GALNT7: variants seen among roughly 807,000 people sequenced by gnomAD.
GALNT7 encodes N-acetylgalactosaminyltransferase 7.
GALNT7 carries 60 observed loss-of-function variants against 82.1 expected under a neutral mutation model. The observed-to-expected ratio is 0.73, with a 90% CI of 0.59 to 0.91. GALNT7 has a LOEUF of 0.91. Among genes scored for constraint, GALNT7 ranks in the 40% least tolerant of loss-of-function variants. The pLI, the probability that GALNT7 is intolerant of heterozygous loss-of-function variation, is 0.00. For missense variants in GALNT7, 660 were observed against 804.2 expected (o/e 0.82, Z 2.17); for synonymous variants, 243 against 275.1 (o/e 0.88, Z 1.15).
chr4:173,205,118 C>T (rs1454879031), intron 1 of GALNT7, among the ~76,000 whole-genome samples: 2 of 151,834 alleles, frequency 1.3e-5, no homozygotes, highest in East Asian at 2.0e-4. Context: ...TCGGGTTGGA[C>T]CTGGAGCCTT....
intron 1 of GALNT7, among the ~76,000 whole-genome samples, chr4:173,225,857 C>T (rs1733809505): frequency 6.6e-6 from 1 of 152,176 alleles, no homozygotes; most frequent in Non-Finnish European, 1.5e-5. Flanking sequence ...GCAACCACAA[C>T]CACTCAGTGA....
In GALNT7 at chr4:173,302,202, G is replaced by A. The variant is rs533086279; in HGVS notation, c.1266+38G>A. On this transcript the variant is annotated intron_variant, in intron 7 of 11. Coordinates refer to ENST00000265000, the MANE Select transcript of GALNT7 (RefSeq NM_017423.3). The surrounding 1 kb of genome is among the most constrained non-coding windows in gnomAD (Gnocchi z 4.2). ...TTCAACAGATGGAATTCTCCAAGTC[G>A]TTACTAACTTCTGTGGCTTTCAGAT... The A allele has an allele frequency of 3.0e-5, 27 of 911,972 alleles. No individual in the cohort carries two copies. The highest frequency in any genetic ancestry group is 2.4e-4 in the South Asian group (18 of 74,958). The allele number at this position is 911,972 out of a possible 1,614,324, so 56.5% of individuals were successfully genotyped here. A position where few individuals can be genotyped will look rare whatever the true frequency, so the allele number is the denominator to read the frequency against.
chr4:173,199,525 T>G (rs1276473258), intron 1 of GALNT7, among the ~76,000 whole-genome samples: 1 of 152,210 alleles, frequency 6.6e-6, no homozygotes, highest in Non-Finnish European at 1.5e-5. Context: ...CTGTAATCTT[T>G]TAGTGCCATG....
chr4:173,318,860 T>G (rs1737702535), intron 11 of GALNT7, among the ~76,000 whole-genome samples: 1 of 152,124 alleles, frequency 6.6e-6, no homozygotes, highest in African/African-American at 2.4e-5. Flanking sequence ...GTCATCACCA[T>G]TGCTCTCATC....
At chr4:173,284,700 A>G (rs1736252792) in intron 2 of GALNT7, among the ~76,000 whole-genome samples, 1 of 152,090 alleles carries the variant, frequency 6.6e-6, no homozygotes, top group Admixed American at 6.6e-5. Flanking sequence ...TTGTTTTGCC[A>G]AAACAATGAC....
At chr4:173,250,833 G>A (rs1000535013) in intron 2 of GALNT7, among the ~76,000 whole-genome samples, 13 of 152,080 alleles carry the variant, frequency 8.5e-5, no homozygotes, top group African/African-American at 3.1e-4. Flanking sequence ...CCTGTCTCAG[G>A]TCTTCTGCAT....
chr4:173,295,386 T>C lies in GALNT7; in HGVS notation c.755-10T>C, dbSNP rs757763169. On this transcript the variant is annotated splice_polypyrimidine_tract_variant and intron_variant, in intron 3 of 11. Transcript: ENST00000265000. ...TCTAATTTATAATATCGATTGATTTTTCTTAACAGAACACTTAAAAGAAAA... is the reference window on the plus strand; with the variant it reads ...TCTAATTTATAATATCGATTGATTTCTCTTAACAGAACACTTAAAAGAAAA... 1.3e-6 allele frequency: 2 copies of C among 1,540,090 alleles called. No homozygotes were observed. Among genetic ancestry groups the C allele is most frequent in the East Asian group, 4.5e-5 (2 of 44,448 alleles).
Position 173,251,399 on chromosome 4 carries a change from T to A in GALNT7, c.587+2959T>A, listed in dbSNP as rs181005163. 2.0e-5 allele frequency among the ~76,000 whole-genome samples: 3 copies of A among 152,338 alleles called. No homozygotes were observed. In the East Asian group the frequency reaches 5.8e-4, roughly 29 times the overall value. On this transcript the variant is annotated intron_variant, in intron 2 of 11. Coordinates refer to ENST00000265000, the MANE Select transcript of GALNT7 (RefSeq NM_017423.3). ...AGAAACCTGAGTATTATTAGCTGTTTTTACTGCTATGGTATTTTCTTCCTT... is the reference window on the plus strand; with the variant it reads ...AGAAACCTGAGTATTATTAGCTGTTATTACTGCTATGGTATTTTCTTCCTT...
At chr4:173,183,493 C>T (rs935270816) in intron 1 of GALNT7, among the ~76,000 whole-genome samples, 9 of 151,744 alleles carry the variant, frequency 5.9e-5, no homozygotes, top group Middle Eastern at 3.4e-3. Flanking sequence ...TTTTTTTTCC[C>T]CAAGGCAGAA....
chr4:173,250,524 C>T (rs1734809516), intron 2 of GALNT7, among the ~76,000 whole-genome samples: 1 of 152,030 alleles, frequency 6.6e-6, no homozygotes, highest in African/African-American at 2.4e-5. Flanking sequence ...TTCTGAGGTC[C>T]GCTTCTTTCC....
intron 1 of GALNT7, among the ~76,000 whole-genome samples, chr4:173,209,112 C>T (rs559149845): frequency 1.3e-5 from 2 of 152,318 alleles, no homozygotes; most frequent in East Asian, 3.9e-4. Flanking sequence ...CTGAGCTTTG[C>T]TTCTTTAACC....
chr4:173,235,556 C>CTTTTTTTTTTTTTTTT (rs11421248), intron 1 of GALNT7, among the ~76,000 whole-genome samples: 1 of 140,796 alleles, frequency 7.1e-6, no homozygotes, highest in Admixed American at 7.1e-5. Flanking sequence ...CTTTTCTTTT[C>CTTTTTTTTTTTTTTTT]TTTTTTTTTT....
chr4:173,318,553 C>A lies in GALNT7; in HGVS notation c.1830C>A (p.Tyr610Ter). The change falls in exon 11 of 12, where the codon TAC becomes TAA. Residue 610 changes from tyrosine to a stop codon, truncating the protein, a stop_gained. Transcript: ENST00000265000. LOFTEE classifies it high-confidence loss of function. ...CNLNEFKEWQ[Y>*]FKNLHRFTHI... ...TAAATGAATTTAAGGAATGGCAGTA[C>A]TTCAAGGTATTCTGCATTTTAACTT... 6.5e-7 allele frequency: 1 copy of A among 1,548,136 alleles called. No homozygotes were observed. Among genetic ancestry groups the A allele is most frequent in the Non-Finnish European group, 8.9e-7 (1 of 1,122,578 alleles).
At chr4:173,240,857 A>G (rs1203933252) in intron 1 of GALNT7, among the ~76,000 whole-genome samples, 1 of 152,128 alleles carries the variant, frequency 6.6e-6, no homozygotes, top group Non-Finnish European at 1.5e-5. Context: ...TCACATTGAG[A>G]TCCAGCTCCC....
chr4:173,268,527 C>T (rs996001181), intron 2 of GALNT7, among the ~76,000 whole-genome samples: 5 of 121,876 alleles, frequency 4.1e-5, no homozygotes, highest in South Asian at 2.8e-4. Context: ...TGTTTTCTCT[C>T]TCGTTTTTTT....
intron 1 of GALNT7, among the ~76,000 whole-genome samples, chr4:173,219,466 A>G (rs1230844264): frequency 1.3e-5 from 2 of 152,082 alleles, no homozygotes; most frequent in African/African-American, 2.4e-5. Flanking sequence ...GTGTGCAGGT[A>G]TCTTTTTCTA....
intron 2 of GALNT7, among the ~76,000 whole-genome samples, chr4:173,254,671 T>TGA (rs1247014794): frequency 2.0e-5 from 3 of 152,268 alleles, no homozygotes; most frequent in African/African-American, 7.2e-5. Flanking sequence ...TGGTTCTATG[T>TGA]GACCATCCAA....
chr4:173,298,063 G>C, intron 5 of GALNT7, 52 bp from the exon 6 acceptor site: 1 of 1,571,802 alleles, frequency 6.4e-7, no homozygotes. Flanking sequence ...ATAAATGTGT[G>C]GGTCCATACA....
At chr4:173,308,228 G>A (rs997194412) in intron 8 of GALNT7, among the ~76,000 whole-genome samples, 3 of 152,024 alleles carry the variant, frequency 2.0e-5, no homozygotes, top group Admixed American at 6.5e-5. Flanking sequence ...TTTTAGTTGT[G>A]GGGGAATAAA....
Sources: gnomAD v4.1 joint callset for allele counts (sites outside exome capture counted in the v4.1 genomes callset) on GRCh38, gnomAD v4.1.1 for gene constraint, Gnocchi (gnomAD v3.1) non-coding constraint, MANE v1.5 for transcripts, NCBI Gene and HGNC (gene_info 2026-07-23, HGNC 2026-07-21) for gene names.